Variants in ASS1 observed in about 807,000 individuals in gnomAD.
ASS1 encodes the protein argininosuccinate synthase.
In ASS1, 58 loss-of-function variants were observed where a neutral mutation model predicts 60.5. The ratio of observed to expected loss-of-function variants is 0.96; its 90% confidence interval spans 0.78 to 1.19. The LOEUF (loss-of-function observed/expected upper bound fraction) is 1.19. ASS1 is among the 50% of genes most tolerant of loss of function. The pLI is 0.00. For synonymous variants in ASS1, 200 were observed against 206.9 expected (o/e 0.97, Z 0.29); for missense variants, 454 against 547.3 (o/e 0.83, Z 1.70).
chr9:130,493,250 T>C (rs1479878260), intron 12 of ASS1, among the ~76,000 whole-genome samples: 1 of 152,210 alleles, frequency 6.6e-6, no homozygotes, highest in Non-Finnish European at 1.5e-5. Flanking sequence ...TTTCCCTCTC[T>C]GGGCCTCTCT....
At chr9:130,454,414 G>A (rs929158615) in intron 3 of ASS1, 41 bp downstream of exon 3, 10 of 1,594,182 alleles carry the variant, frequency 6.3e-6, no homozygotes, top group African/African-American at 1.3e-5. Flanking sequence ...GGAGTGGGGC[G>A]GTGATGTGGA....
At chr9:130,473,924 A>C (rs937101562) in intron 8 of ASS1, among the ~76,000 whole-genome samples, 2 of 151,944 alleles carry the variant, frequency 1.3e-5, no homozygotes, top group African/African-American at 2.4e-5. Context: ...ATGCCTCTAC[A>C]TCATGGTTTA....
In ASS1 at chr9:130,458,524, C is replaced by T. The variant is rs370695114; in HGVS notation, c.298C>T (p.Arg100Cys). The change falls in exon 4 of 15, where the codon CGC (arginine) becomes TGC (cysteine). Residue 100 changes from arginine to cysteine, a missense_variant. Arg to Cys is a radical substitution (Grantham distance 180, BLOSUM62 -3). Coordinates refer to ENST00000352480, the MANE Select transcript of ASS1 (RefSeq NM_054012.4). ...GTSLARPCIA[R>C]KQVEIAQREG... ...CTCTCTTGCCAGGCCCTGCATCGCC[C>T]GCAAACAAGTGGAAATCGCCCAGCG... 3.5e-5 allele frequency: 56 copies of T among 1,613,126 alleles called. No individual in the cohort carries two copies. Among genetic ancestry groups the T allele is most frequent in the Middle Eastern group, 1.8e-4 (1 of 5,518 alleles).
At chr9:130,483,120 C>T (rs933064609) in intron 11 of ASS1, among the ~76,000 whole-genome samples, 6 of 152,108 alleles carry the variant, frequency 3.9e-5, no homozygotes, top group Non-Finnish European at 8.8e-5. Context: ...CCAAATATTT[C>T]ATGTGAGAAG....
intron 11 of ASS1, among the ~76,000 whole-genome samples, chr9:130,482,516 A>G (rs1846198910): frequency 1.3e-5 from 2 of 151,860 alleles, no homozygotes; most frequent in Non-Finnish European, 2.9e-5. Context: ...ATGAAAGTGT[A>G]TTGCCTTCCC....
rs112127207 is a variant in ASS1 at position 130,447,040 on chromosome 9, G to A, written c.-6+2045G>A. ...CCAAAGACAAACCGAGCTCAGCTGAGTTAGAATGTCAGCGAGGGGTTGCAG... is the reference window on the plus strand; with the variant it reads ...CCAAAGACAAACCGAGCTCAGCTGAATTAGAATGTCAGCGAGGGGTTGCAG... On this transcript the variant is annotated intron_variant, in intron 1 of 14. Transcript: ENST00000352480. Among the ~76,000 whole-genome samples the A allele has an allele frequency of 8.9e-4, 136 of 152,366 alleles. 2 individuals carry two copies. The highest frequency in any genetic ancestry group is 6.8e-3 in the Middle Eastern group (2 of 294).
chr9:130,491,128 G>A lies in ASS1; in HGVS notation c.970+1664G>A, dbSNP rs554405312. Among the ~76,000 whole-genome samples the A allele has an allele frequency of 2.6e-5, 4 of 152,280 alleles. No individual in the cohort carries two copies. In the South Asian group the frequency reaches 6.2e-4, roughly 24 times the overall value. On this transcript the variant is annotated intron_variant, in intron 12 of 14. Coordinates refer to ENST00000352480, the MANE Select transcript of ASS1 (RefSeq NM_054012.4). This position sits in a 1 kb window ranked among gnomAD's most constrained non-coding sequence, Gnocchi z 5.3. Reference sequence around the variant, plus strand: ...GAGGGCTCGATGGTTATTGGCTGGCGTTATTTCTCCCTGCCATTGTTCCTT... The same window carrying A: ...GAGGGCTCGATGGTTATTGGCTGGCATTATTTCTCCCTGCCATTGTTCCTT...
intron 12 of ASS1, among the ~76,000 whole-genome samples, chr9:130,490,911 G>A (rs916313092): frequency 1.3e-5 from 2 of 152,184 alleles, no homozygotes; most frequent in African/African-American, 4.8e-5. Context: ...GCTGTGGGAG[G>A]ACAGGCTGCT....
At position 130,489,539 on chromosome 9, in the gene ASS1, TG is replaced by T; in HGVS notation, c.970+77del. The T allele has an allele frequency of 3.1e-6, 5 of 1,607,724 alleles. No homozygotes were observed. Among genetic ancestry groups the T allele is most frequent in the Non-Finnish European group, 4.3e-6 (5 of 1,176,108 alleles). ...CAAAGTACTATCAGGCTCTCGGGCC[TG>T]GCCCTCCCCTCCGTATCAGCACCTT... On this transcript the variant is annotated intron_variant, in intron 12 of 14. Coordinates refer to ENST00000352480, the MANE Select transcript of ASS1 (RefSeq NM_054012.4). This position sits in a 1 kb window ranked among gnomAD's most constrained non-coding sequence, Gnocchi z 4.1.
chr9:130,450,494 C>T (rs1316890890), intron 1 of ASS1, among the ~76,000 whole-genome samples: 1 of 152,206 alleles, frequency 6.6e-6, no homozygotes, highest in Non-Finnish European at 1.5e-5. Context: ...GTTGAATGCC[C>T]AGTAGGGACG....
At chr9:130,446,146 AGT>A (rs1412569056) in intron 1 of ASS1, among the ~76,000 whole-genome samples, 1 of 152,116 alleles carries the variant, frequency 6.6e-6, no homozygotes, top group Admixed American at 6.5e-5. Flanking sequence ...AGCCACCCAA[AGT>A]GCCTGGCCCC....
chr9:130,466,983 G>A (rs540374057), intron 6 of ASS1, among the ~76,000 whole-genome samples, 184 bp downstream of exon 6: 1 of 152,348 alleles, frequency 6.6e-6, no homozygotes, highest in East Asian at 1.9e-4. Flanking sequence ...CCCCACAGAG[G>A]TGTGGTCATC....
At chr9:130,454,994 TCATCCATCCATCCA>T (rs1452933982) in intron 3 of ASS1, among the ~76,000 whole-genome samples, 13 of 142,378 alleles carry the variant, frequency 9.1e-5, no homozygotes, top group African/African-American at 3.5e-4. Context: ...CATTCATCCA[TCATCCATCCATCCA>T]TTCACCCATC....
intron 4 of ASS1, 56 bp from the exon 5 acceptor site, chr9:130,464,055 C>T (rs764284505): frequency 6.3e-7 from 1 of 1,597,834 alleles, no homozygotes; most frequent in African/African-American, 1.3e-5. Context: ...CGTCCTCCCC[C>T]AGACTCCAGA....
At chr9:130,466,435 AG>A in intron 5 of ASS1, 1 of 509,184 alleles carries the variant, frequency 2.0e-6, no homozygotes, top group Non-Finnish European at 3.6e-6. Flanking sequence ...TCAAACTCTC[AG>A]GTCTCATCTG....
intron 12 of ASS1, among the ~76,000 whole-genome samples, chr9:130,490,180 G>A (rs1163146740): frequency 6.6e-6 from 1 of 152,250 alleles, no homozygotes; most frequent in African/African-American, 2.4e-5. Flanking sequence ...CAGGCCTCCT[G>A]ACTCCAAAAT....
At position 130,480,461 on chromosome 9, in the gene ASS1, C is replaced by T. The variant is rs766522141; in HGVS notation, c.838+12C>T. On this transcript the variant is annotated intron_variant, in intron 11 of 14. Coordinates refer to ENST00000352480, the MANE Select transcript of ASS1 (RefSeq NM_054012.4). Reference sequence around the variant, plus strand: ...AATGAAGTCCCGAGGTGAGTCTGCTCAGCCTCCCTCAGGGCCTGCCTCGGG... The same window carrying T: ...AATGAAGTCCCGAGGTGAGTCTGCTTAGCCTCCCTCAGGGCCTGCCTCGGG... The T allele has an allele frequency of 9.9e-6, 16 of 1,613,542 alleles. No homozygotes were observed. In the Admixed American group the frequency reaches 1.7e-4, roughly 17 times the overall value.
At chr9:130,480,515 C>T in intron 11 of ASS1, 66 bp downstream of exon 11, 1 of 1,555,390 alleles carries the variant, frequency 6.4e-7, no homozygotes, top group Non-Finnish European at 8.8e-7. Context: ...TCCCTGAGAC[C>T]CTGTCCCCTT....
chr9:130,499,511 C>T lies in ASS1; in HGVS notation c.1134C>T (p.Asn378=), dbSNP rs140715869. 2.2e-4 allele frequency: 351 copies of T among 1,613,702 alleles called. 2 individuals are homozygous for T. In the African/African-American group the frequency reaches 3.4e-3, roughly 16 times the overall value. ...SLYNEELVSM[N]VQGDYEPTDA... ...GCTTCTACTCTCCTTGCAGCATGAACGTGCAGGGTGATTATGAGCCAACTG... is the reference window on the plus strand; with the variant it reads ...GCTTCTACTCTCCTTGCAGCATGAATGTGCAGGGTGATTATGAGCCAACTG... Residue 378 remains asparagine (N), a synonymous_variant, in exon 14 of 15, where the codon AAC becomes AAT. Transcript: ENST00000352480.
Sources: gnomAD v4.1 joint callset for allele counts (sites outside exome capture counted in the v4.1 genomes callset) on GRCh38, gnomAD v4.1.1 for gene constraint, Gnocchi (gnomAD v3.1) non-coding constraint, MANE v1.5 for transcripts, NCBI Gene and HGNC (gene_info 2026-07-23, HGNC 2026-07-21) for gene names.